VPS13A: variants seen among roughly 807,000 people sequenced by gnomAD.
VPS13A encodes the protein vacuolar protein sorting 13 homolog A.
A neutral mutation model predicts 390.9 loss-of-function variants in VPS13A; 264 were observed. The observed-to-expected ratio is 0.68, with a 90% CI of 0.61 to 0.75. VPS13A has a LOEUF of 0.75. Among genes scored for constraint, VPS13A ranks in the 30% least tolerant of loss-of-function variants. VPS13A has a pLI of 0.00. For missense variants in VPS13A, 3,409 were observed against 3,733.9 expected (o/e 0.91, Z 2.27); for synonymous variants, 1,231 against 1,227.1 (o/e 1.00, Z -0.07).
At position 77,326,026 on chromosome 9, in the gene VPS13A, A is replaced by C. The variant is rs555852298; in HGVS notation, c.5991+2799A>C. 3.3e-5 allele frequency among the ~76,000 whole-genome samples: 5 copies of C among 152,270 alleles called. No individual in the cohort carries two copies. The South Asian group carries it at 6.2e-4, about 19-fold the overall frequency. ...TGTATTACAGATATTTTCACTGGGC[A>C]TAGAAATCTAGATTGGCAGGGTTTT... On this transcript the variant is annotated intron_variant, in intron 45 of 71. Transcript: ENST00000360280.
rs767861529 is a variant in VPS13A, at chr9:77,318,561, A to G, written c.5283A>G (p.Leu1761=). The G allele has an allele frequency of 2.5e-6, 4 of 1,613,808 alleles. No individual in the cohort carries two copies. Among genetic ancestry groups the G allele is most frequent in the Non-Finnish European group, 3.4e-6 (4 of 1,179,844 alleles). Residue 1761 remains leucine (L), a synonymous_variant, in exon 41 of 72, where the codon CTA becomes CTG. Transcript: ENST00000360280. ...FSGEGKNWSS[L]INLHCQLELE... ...GGGAAGGCAAAAACTGGAGTTCCCT[A>G]ATAAATCTGCACTGTCAGCTTGAGC...
intron 1 of VPS13A, among the ~76,000 whole-genome samples, chr9:77,192,343 C>A (rs986231536): frequency 6.6e-6 from 1 of 152,140 alleles, no homozygotes; most frequent in African/African-American, 2.4e-5. Context: ...TGTTTACATT[C>A]AAGATGAATA....
chr9:77,181,515 CAAAAAA>C lies in VPS13A; in HGVS notation c.100+3727_100+3732del, dbSNP rs1161800764. Reference sequence around the variant, plus strand: ...TGGCCAACAGAGCGAGACCCTGCCTCAAAAAAAAAAAAAAAAAAAAAGAAACTGGAT... The same window carrying C: ...TGGCCAACAGAGCGAGACCCTGCCTCAAAAAAAAAAAAAAAGAAACTGGAT... On this transcript the variant is annotated intron_variant, in intron 1 of 71. Transcript: ENST00000360280. Among the ~76,000 whole-genome samples the C allele has an allele frequency of 8.7e-5, 7 of 80,270 alleles. No individual in the cohort carries two copies. The East Asian group carries it at 1.6e-3, about 19-fold the overall frequency. 52.7% of individuals were successfully genotyped at this position (80,270 alleles called of 152,430 possible). A position where few individuals can be genotyped will look rare whatever the true frequency, so the allele number is the denominator to read the frequency against.
At chr9:77,253,575 G>A (rs965062336) in intron 22 of VPS13A, among the ~76,000 whole-genome samples, 1 of 152,160 alleles carries the variant, frequency 6.6e-6, no homozygotes, top group African/African-American at 2.4e-5. Flanking sequence ...AAAGTGCTGG[G>A]ATTACAGGCA....
At chr9:77,259,987 C>T (rs1162310163) in intron 22 of VPS13A, 99 bp from the exon 23 acceptor site, 1 of 872,650 alleles carries the variant, frequency 1.1e-6, no homozygotes, top group African/African-American at 1.7e-5. Flanking sequence ...TGTTTAAAAT[C>T]ACATTTGATT....
intron 28 of VPS13A, 57 bp downstream of exon 28, chr9:77,281,983 C>A: frequency 1.5e-6 from 2 of 1,368,940 alleles, no homozygotes; most frequent in Non-Finnish European, 2.0e-6. Context: ...AAATTATTTT[C>A]TAACTGGAAT....
At position 77,403,252 on chromosome 9, in the gene VPS13A, G is replaced by A. The variant is rs765821322; in HGVS notation, c.9206G>A (p.Arg3069Lys). The change falls in exon 69 of 72, where the codon AGA (arginine) becomes AAA (lysine). Residue 3069 changes from arginine (R) to lysine (K), a missense_variant. Coordinates refer to ENST00000360280, the MANE Select transcript of VPS13A (RefSeq NM_033305.3). ...NQMLQVMENGRFAKYKYFTHV... is the reference protein window; with the variant it reads ...NQMLQVMENGKFAKYKYFTHV... ...TTCTTTTAGGTCATGGAAAATGGAA[G>A]ATTTGCAAAATACAAATATTTTACC... The A allele has an allele frequency of 1.2e-6, 2 of 1,611,934 alleles. No homozygotes were observed. Among genetic ancestry groups the A allele is most frequent in the South Asian group, 1.1e-5 (1 of 91,046 alleles).
At position 77,407,570 on chromosome 9, in the gene VPS13A, GAAA is replaced by G; in HGVS notation, c.9440_9442del (p.Lys3147del). On this transcript the variant is annotated inframe_deletion, in exon 71 of 72. Transcript: ENST00000360280. The stretch of plus-strand genomic sequence containing the variant: ...TCTGTATTTCATGCCAGAGAGTTTG[GAAA>G]AATAATTAACTTCAAGACCCCAGAG... 1 of 1,613,088 alleles carries G rather than the reference GAAA, an allele frequency of 6.2e-7. No individual in the cohort carries two copies.
intron 67 of VPS13A, among the ~76,000 whole-genome samples, chr9:77,371,621 G>A (rs900459726): frequency 1.3e-5 from 2 of 151,804 alleles, no homozygotes; most frequent in South Asian, 2.1e-4. Context: ...CTACAATATG[G>A]CAGGTTGCAT....
At chr9:77,305,455 G>T (rs1348791723) in intron 34 of VPS13A, 1 of 152,244 alleles carries the variant, frequency 6.6e-6, no homozygotes, top group African/African-American at 2.4e-5. Flanking sequence ...TAAATATTAT[G>T]TTCCACCCAA....
In VPS13A at chr9:77,295,558, T is replaced by G. The variant is rs752993717; in HGVS notation, c.3524T>G (p.Phe1175Cys). Reference protein sequence around the residue: ...LYSILAFIDNFQAAKQALAEA... With the variant: ...LYSILAFIDNCQAAKQALAEA... ...ATCTTACAGGCTTTTATAGATAATTTTCAGGCAGCTAAACAAGCCTTGGCT... is the reference window on the plus strand; with the variant it reads ...ATCTTACAGGCTTTTATAGATAATTGTCAGGCAGCTAAACAAGCCTTGGCT... The change falls in exon 33 of 72, where the codon TTT becomes TGT. Residue 1175 changes from phenylalanine to cysteine, a missense_variant. Phe to Cys is a radical substitution (Grantham distance 205, BLOSUM62 -2). This residue lies in a region of VPS13A where 2,717 missense variants were observed against 2,917.4 expected (regional missense o/e 0.93). Transcript: ENST00000360280. 3 of 1,607,902 alleles carry G rather than the reference T, an allele frequency of 1.9e-6. No individual in the cohort carries two copies. In the South Asian group the frequency reaches 3.3e-5, roughly 18 times the overall value.
At chr9:77,194,601 C>T (rs999683376) in intron 1 of VPS13A, among the ~76,000 whole-genome samples, 12 of 152,142 alleles carry the variant, frequency 7.9e-5, no homozygotes, top group Admixed American at 3.3e-4. Context: ...CCTCAAATGT[C>T]TGTAGGGGTC....
intron 1 of VPS13A, among the ~76,000 whole-genome samples, chr9:77,179,742 A>G (rs1823893989): frequency 6.7e-6 from 1 of 149,998 alleles, no homozygotes; most frequent in South Asian, 2.1e-4. Context: ...ACTCTTTTAA[A>G]ATGTACAATT....
chr9:77,389,297 T>G (rs4012460), intron 68 of VPS13A, among the ~76,000 whole-genome samples: 5 of 150,712 alleles, frequency 3.3e-5, no homozygotes, highest in Non-Finnish European at 5.9e-5. Flanking sequence ...ACATAAAGAG[T>G]AAGCAGAACT....
intron 37 of VPS13A, 55 bp from the exon 38 acceptor site, chr9:77,315,197 GT>G (rs1829317144): frequency 6.7e-7 from 1 of 1,487,454 alleles, no homozygotes; most frequent in South Asian, 1.1e-5. Flanking sequence ...TTACTCATAT[GT>G]TTGATTACTT....
At chr9:77,186,385 T>G (rs1824335720) in intron 1 of VPS13A, among the ~76,000 whole-genome samples, 2 of 152,220 alleles carry the variant, frequency 1.3e-5, no homozygotes, top group African/African-American at 4.8e-5. Flanking sequence ...CCTGTGAATC[T>G]GAGTTTTTGG....
At position 77,281,738 on chromosome 9, in the gene VPS13A, T is replaced by A. The variant is rs529380362; in HGVS notation, c.2905-129T>A. 9 of 530,812 alleles carry A rather than the reference T, an allele frequency of 1.7e-5. No homozygotes were observed. The East Asian group carries it at 2.6e-4, about 16-fold the overall frequency. The allele number at this position is 530,812 out of a possible 1,614,324, so 32.9% of individuals were successfully genotyped here. A position where few individuals can be genotyped will look rare whatever the true frequency, so the allele number is the denominator to read the frequency against. On this transcript the variant is annotated intron_variant, in intron 27 of 71. Coordinates refer to ENST00000360280, the MANE Select transcript of VPS13A (RefSeq NM_033305.3). The stretch of plus-strand genomic sequence containing the variant: ...AGGTAATTATATGTGTGTGTATATG[T>A]GTATATATATATATATATATGTATA...
chr9:77,342,487 A>G (rs570865562), intron 50 of VPS13A, among the ~76,000 whole-genome samples: 1 of 152,216 alleles, frequency 6.6e-6, no homozygotes, highest in South Asian at 2.1e-4. Flanking sequence ...AGAGTCAGAA[A>G]TGATGGTGAT....
intron 35 of VPS13A, among the ~76,000 whole-genome samples, chr9:77,309,348 A>G (rs1390726421): frequency 6.6e-6 from 1 of 152,220 alleles, no homozygotes; most frequent in East Asian, 1.9e-4. Context: ...CAGAAGGTCC[A>G]ATTCCAGAAT....
Sources: allele counts gnomAD v4.1 joint callset (sites outside exome capture counted in the v4.1 genomes callset), GRCh38; gene constraint gnomAD v4.1.1; regional missense constraint gnomAD v4.1.1; transcripts MANE v1.5; gene names NCBI Gene and HGNC (gene_info 2026-07-23, HGNC 2026-07-21).